ATG7: variants seen among roughly 807,000 people sequenced by gnomAD.
ATG7 encodes the protein ubiquitin-like modifier-activating enzyme ATG7.
Under a neutral mutation model 82.4 loss-of-function variants are expected in ATG7, and 70 were observed. That is an observed-to-expected ratio of 0.85 (90% CI 0.70 to 1.04). ATG7 has a LOEUF of 1.04. Among genes scored for constraint, ATG7 ranks in the 50% least tolerant of loss-of-function variants. ATG7 has a pLI of 0.00. For missense variants in ATG7, 792 were observed against 864.3 expected (o/e 0.92, Z 1.05); for synonymous variants, 287 against 313.0 (o/e 0.92, Z 0.88).
At chr3:11,336,863 G>A (rs917808156) in intron 11 of ATG7, among the ~76,000 whole-genome samples, 2 of 151,794 alleles carry the variant, frequency 1.3e-5, no homozygotes, top group African/African-American at 4.9e-5. Context: ...TGCAGAGACA[G>A]GGTTTCACTA....
At position 11,306,848 on chromosome 3, in the gene ATG7, A is replaced by C. The variant is rs1021574198; in HGVS notation, c.216-95A>C. The C allele has an allele frequency of 1.7e-5, 15 of 868,212 alleles. No homozygotes were observed. The East Asian group carries it at 2.9e-4, about 17-fold the overall frequency. 53.8% of individuals were successfully genotyped at this position (868,212 alleles called of 1,614,324 possible). A position where few individuals can be genotyped will look rare whatever the true frequency, so the allele number is the denominator to read the frequency against. On this transcript the variant is annotated intron_variant, in intron 5 of 20. Coordinates refer to ENST00000693202, the MANE Select transcript of ATG7 (RefSeq NM_001349232.2). ...TAATCTTCTGTTTGCCCTGCAGAGC[A>C]ATACCCTTTTTATCCCACTACAGTG...
At chr3:11,367,479 C>G (rs1289254512) in intron 18 of ATG7, among the ~76,000 whole-genome samples, 1 of 152,192 alleles carries the variant, frequency 6.6e-6, no homozygotes. Flanking sequence ...ACAAGGCCCC[C>G]CACCAGCAAC....
At chr3:11,366,496 C>A (rs573379592) in intron 18 of ATG7, among the ~76,000 whole-genome samples, 3 of 152,190 alleles carry the variant, frequency 2.0e-5, no homozygotes, top group Non-Finnish European at 4.4e-5. Context: ...GGAAGCTGAT[C>A]TCCAGAGCCT....
At chr3:11,462,547 C>G (rs1336390389) in intron 20 of ATG7, among the ~76,000 whole-genome samples, 1 of 152,068 alleles carries the variant, frequency 6.6e-6, no homozygotes, top group Non-Finnish European at 1.5e-5. Context: ...CTCAGGGGCC[C>G]TAAGCTATAG....
intron 19 of ATG7, among the ~76,000 whole-genome samples, chr3:11,403,491 A>G (rs928134665): frequency 2.6e-5 from 4 of 152,222 alleles, no homozygotes; most frequent in Admixed American, 2.6e-4. Flanking sequence ...TTAGATAATA[A>G]AGGATGAAAA....
intron 7 of ATG7, among the ~76,000 whole-genome samples, chr3:11,312,520 T>G (rs1447099690): frequency 6.6e-6 from 1 of 152,224 alleles, no homozygotes; most frequent in Non-Finnish European, 1.5e-5. Flanking sequence ...AGCTTACTAC[T>G]TAGAGCCTCT....
Position 11,298,689 on chromosome 3 carries a change from A to G in ATG7, c.-7A>G. ...GTTCTGTTTTGTTTTTTAATAGGCA[A>G]GAAATAATGGCGGCAGCTACGGGGG... On this transcript the variant is annotated 5_prime_UTR_variant, in exon 4 of 21. Coordinates refer to ENST00000693202, the MANE Select transcript of ATG7 (RefSeq NM_001349232.2). 1.2e-6 allele frequency: 2 copies of G among 1,611,922 alleles called. No homozygotes were observed. Among genetic ancestry groups the G allele is most frequent in the Non-Finnish European group, 1.7e-6 (2 of 1,179,026 alleles).
chr3:11,350,489 C>T (rs1448314099), intron 14 of ATG7, among the ~76,000 whole-genome samples: 1 of 152,100 alleles, frequency 6.6e-6, no homozygotes, highest in African/African-American at 2.4e-5. Flanking sequence ...GGTTCCAGTC[C>T]ATTGTATGTG....
At position 11,503,072 on chromosome 3, in the gene ATG7, CA is replaced by C. The variant is rs1430866808; in HGVS notation, c.2080-51738del. ...CTCCCCACACTAGGATCCAACAACA[CA>C]GGTGGTCAGGCTCAAATACCTTCCA... On this transcript the variant is annotated intron_variant, in intron 20 of 20. Coordinates refer to ENST00000693202, the MANE Select transcript of ATG7 (RefSeq NM_001349232.2). 2.0e-5 allele frequency among the ~76,000 whole-genome samples: 3 copies of C among 152,190 alleles called. No individual in the cohort carries two copies. The East Asian group carries it at 5.8e-4, about 29-fold the overall frequency.
At chr3:11,286,965 C>A (rs938514538) in intron 3 of ATG7, among the ~76,000 whole-genome samples, 4 of 151,670 alleles carry the variant, frequency 2.6e-5, no homozygotes, top group Admixed American at 6.6e-5. Flanking sequence ...TGGTGTTCTG[C>A]TATGTTGCCC....
At chr3:11,565,046 G>C in the ATG7 span, 1 of 1,465,454 alleles carries the variant, frequency 6.8e-7, no homozygotes, top group South Asian at 1.5e-5. The surrounding 1 kb of genome is among the most constrained non-coding windows in gnomAD (Gnocchi z 4.1). Context: ...GGCATTCAGG[G>C]GGCGTTTTCT....
At chr3:11,399,369 C>T (rs1021858329) in intron 19 of ATG7, among the ~76,000 whole-genome samples, 1 of 151,576 alleles carries the variant, frequency 6.6e-6, no homozygotes, top group East Asian at 1.9e-4. Context: ...AAATATAAAT[C>T]GGATGGAAAA....
At chr3:11,305,647 C>G (rs1265912089) in intron 5 of ATG7, among the ~76,000 whole-genome samples, 1 of 152,140 alleles carries the variant, frequency 6.6e-6, no homozygotes, top group South Asian at 2.1e-4. Flanking sequence ...GAAAAATATT[C>G]TTTTATTGGA....
intron 20 of ATG7, among the ~76,000 whole-genome samples, chr3:11,461,460 T>C (rs895497230): frequency 8.5e-5 from 13 of 152,234 alleles, no homozygotes; most frequent in African/African-American, 3.1e-4. Context: ...GCTTTCACTT[T>C]TCCCCTCTCT....
the ATG7 span, chr3:11,565,081 T>C: frequency 7.3e-7 from 1 of 1,377,932 alleles, no homozygotes; most frequent in Non-Finnish European, 9.6e-7. The surrounding 1 kb of genome is among the most constrained non-coding windows in gnomAD (Gnocchi z 4.1). Context: ...ACAGTGACTG[T>C]GCGCCAGGCA....
chr3:11,307,172 T>A, intron 6 of ATG7, 112 bp downstream of exon 6: 1 of 941,902 alleles, frequency 1.1e-6, no homozygotes, highest in Non-Finnish European at 1.7e-6. Context: ...GAAGGGAACT[T>A]AAAGACACTT....
In ATG7 at chr3:11,277,894, C is replaced by A. The variant is rs557191175; in HGVS notation, c.-365-3100C>A. On this transcript the variant is annotated intron_variant, in intron 1 of 20. Coordinates refer to ENST00000693202, the MANE Select transcript of ATG7 (RefSeq NM_001349232.2). ...CTCCCAGAGCGGCCCTTTATAGACC[C>A]CCCCCCCCCCACCAGGAATGCATTC... 1.3e-3 allele frequency among the ~76,000 whole-genome samples: 153 copies of A among 119,124 alleles called. 18 individuals are homozygous for A. Among genetic ancestry groups the A allele is most frequent in the African/African-American group, 4.7e-3 (144 of 30,344 alleles). The allele number at this position is 119,124 out of a possible 152,430, so 78.1% of individuals were successfully genotyped here.
chr3:11,339,638 A>C lies in ATG7; in HGVS notation c.890-1007A>C, dbSNP rs565944936. Among the ~76,000 whole-genome samples, 17 of 152,354 alleles carry C rather than the reference A, an allele frequency of 1.1e-4. No homozygotes were observed. In the South Asian group the frequency reaches 3.5e-3, roughly 32 times the overall value. ...GGCAAGCAAAGCTTTCATTAACATG[A>C]GAAGGTAGCAGGTGTGTTCTGCAAA... On this transcript the variant is annotated intron_variant, in intron 11 of 20. Coordinates refer to ENST00000693202, the MANE Select transcript of ATG7 (RefSeq NM_001349232.2).
In ATG7 at chr3:11,463,067, T is replaced by C. The variant is rs888648109; in HGVS notation, c.2079+36141T>C. 8.5e-5 allele frequency among the ~76,000 whole-genome samples: 13 copies of C among 152,126 alleles called. No homozygotes were observed. In the East Asian group the frequency reaches 2.5e-3, roughly 29 times the overall value. On this transcript the variant is annotated intron_variant, in intron 20 of 20. Transcript: ENST00000693202. ...TGCCCAGCTAATTTTGAATTTTTAG[T>C]AGAGATGGGGTTTTGCCATGTTGAT... is the stretch of plus-strand genomic sequence containing the variant.
Sources: gnomAD v4.1 joint callset for allele counts (sites outside exome capture counted in the v4.1 genomes callset) on GRCh38, gnomAD v4.1.1 for gene constraint, Gnocchi (gnomAD v3.1) non-coding constraint, MANE v1.5 for transcripts, NCBI Gene and HGNC (gene_info 2026-07-23, HGNC 2026-07-21) for gene names.